VPS13D: variants seen among roughly 807,000 people sequenced by gnomAD.
VPS13D encodes the protein intermembrane lipid transfer protein VPS13D.
VPS13D carries 187 observed loss-of-function variants against 461.9 expected under a neutral mutation model. The ratio of observed to expected loss-of-function variants is 0.40; its 90% CI spans 0.36 to 0.46. The LOEUF is 0.46. Among genes scored for constraint, VPS13D ranks in the 20% least tolerant of loss-of-function variants. The pLI, the probability that VPS13D is intolerant of heterozygous loss-of-function variation, is 0.60. For missense variants in VPS13D, 4,711 were observed against 5,364.9 expected, an observed-to-expected ratio of 0.88 and a Z score of 3.81; for synonymous variants, 1,951 against 1,986.3, an observed-to-expected ratio of 0.98 and a Z score of 0.47.
At chr1:12,240,622 A>G (rs182542906) in intron 2 of VPS13D, among the ~76,000 whole-genome samples, 1,581 of 147,532 alleles carry the variant, frequency 0.011, 12 homozygotes, top group Middle Eastern at 0.021. Context: ...AAAAAAAGGC[A>G]GTTCGAAGCA....
In VPS13D at chr1:12,267,945, T is replaced by A. The variant is rs140817403; in HGVS notation, c.1801+25T>A. The A allele has an allele frequency of 0.017, 26,972 of 1,570,542 alleles. 1,067 individuals are homozygous for A. The highest frequency in any genetic ancestry group is 0.16 in the Admixed American group (8,242 of 52,912). ...GGTAATTTGTCCTATGTTGTTTTTT[T>A]AAAATTTTTAAATTTTTTAAATTAA... On this transcript the variant is annotated intron_variant, in intron 15 of 69. Coordinates refer to ENST00000620676, the MANE Select transcript of VPS13D (RefSeq NM_015378.4).
chr1:12,292,435 C>CTTTTT (rs886615855), intron 23 of VPS13D, among the ~76,000 whole-genome samples: 17 of 96,916 alleles, frequency 1.8e-4, no homozygotes, highest in African/African-American at 2.5e-4. Context: ...TGCTCAGTCT[C>CTTTTT]TTTTTTTTTT....
intron 60 of VPS13D, 41 bp from the exon 61 acceptor site, chr1:12,400,140 T>C (rs763112126): frequency 1.2e-6 from 2 of 1,600,616 alleles, no homozygotes; most frequent in South Asian, 1.1e-5. Flanking sequence ...GAGCCACTGG[T>C]CTGTTTTTGT....
chr1:12,507,215 G>A lies in VPS13D; in HGVS notation c.13035+122G>A. ...GGTTGAGGCTGGGCCCTTCCCAGGAGTGCTGCCTCTCAGTCCTGAACATGG... is the reference window on the plus strand; with the variant it reads ...GGTTGAGGCTGGGCCCTTCCCAGGAATGCTGCCTCTCAGTCCTGAACATGG... On this transcript the variant is annotated intron_variant, in intron 69 of 69. Transcript: ENST00000620676. This position sits in a 1 kb window ranked among gnomAD's most constrained non-coding sequence, Gnocchi z 5.3. The A allele has an allele frequency of 6.4e-7, 1 of 1,552,626 alleles. No homozygotes were observed. The highest frequency in any genetic ancestry group is 8.8e-7 in the Non-Finnish European group (1 of 1,133,060).
At chr1:12,296,690 T>A (rs1642286970) in intron 24 of VPS13D, among the ~76,000 whole-genome samples, 1 of 152,236 alleles carries the variant, frequency 6.6e-6, no homozygotes, top group Non-Finnish European at 1.5e-5. Context: ...ATGTTTACAG[T>A]ATTGATTCCT....
intron 32 of VPS13D, among the ~76,000 whole-genome samples, chr1:12,320,152 A>G (rs932188908): frequency 1.2e-4 from 18 of 152,266 alleles, no homozygotes; most frequent in African/African-American, 4.3e-4. Flanking sequence ...GGCTGAAAGG[A>G]GCGCATGGAT....
intron 63 of VPS13D, among the ~76,000 whole-genome samples, chr1:12,413,503 T>TA (rs977311111): frequency 6.6e-6 from 1 of 152,102 alleles, no homozygotes; most frequent in Non-Finnish European, 1.5e-5. Flanking sequence ...GGCAGGGTCT[T>TA]ACTCTGTCAC....
chr1:12,493,466 G>A (rs991654029), intron 67 of VPS13D, among the ~76,000 whole-genome samples: 1 of 144,240 alleles, frequency 6.9e-6, no homozygotes. Flanking sequence ...CTGGGTGACA[G>A]AGCGAGACTC....
Position 12,279,461 on chromosome 1 carries a change from A to C in VPS13D, c.4451-38A>C. 6.5e-7 allele frequency: 1 copy of C among 1,540,026 alleles called. No homozygotes were observed. Among genetic ancestry groups the C allele is most frequent in the Non-Finnish European group, 8.8e-7 (1 of 1,133,804 alleles). On this transcript the variant is annotated intron_variant, in intron 19 of 69. Coordinates refer to ENST00000620676, the MANE Select transcript of VPS13D (RefSeq NM_015378.4). The surrounding 1 kb of genome is among the most constrained non-coding windows in gnomAD (Gnocchi z 4.3). ...AATCAGCAGTAATGAAGTAAATATT[A>C]AGGTTTATGGTCTATCATTTCATCT...
At chr1:12,361,391 A>ATT (rs1158608905) in intron 50 of VPS13D, among the ~76,000 whole-genome samples, 2 of 140,910 alleles carry the variant, frequency 1.4e-5, no homozygotes, top group African/African-American at 5.7e-5. Flanking sequence ...TTATTTATTT[A>ATT]TTTATTTATT....
intron 68 of VPS13D, chr1:12,500,103 A>G: frequency 3.0e-6 from 3 of 985,436 alleles, no homozygotes; most frequent in Non-Finnish European, 3.6e-6. Flanking sequence ...CGATGGAGTG[A>G]AAACCCCACG....
chr1:12,385,295 A>G lies in VPS13D; in HGVS notation c.11406A>G (p.Ser3802=), dbSNP rs780869361. 4 of 1,613,906 alleles carry G rather than the reference A, an allele frequency of 2.5e-6. No homozygotes were observed. Among genetic ancestry groups the G allele is most frequent in the African/African-American group, 1.3e-5 (1 of 74,930 alleles). The change falls in exon 59 of 70, where the codon TCA becomes TCG. Residue 3802 remains serine, a synonymous_variant. Transcript: ENST00000620676. ...TDFCHRKSSR[S]YEVDELPVTE... is the part of the protein sequence containing the mutation. ...TCTGCCACCGGAAAAGCAGCCGTTCATATGAAGTGGATGAACTTCCTGTCA... is the reference window on the plus strand; with the variant it reads ...TCTGCCACCGGAAAAGCAGCCGTTCGTATGAAGTGGATGAACTTCCTGTCA...
chr1:12,377,939 G>T (rs777342442), intron 55 of VPS13D, among the ~76,000 whole-genome samples: 5 of 151,770 alleles, frequency 3.3e-5, no homozygotes, highest in Non-Finnish European at 5.9e-5. Context: ...AATATAGTAC[G>T]CTTTCCTTAT....
rs1238878783 is a variant in VPS13D, at chr1:12,363,242, C to T, written c.10443C>T (p.Asn3481=). Residue 3481 remains asparagine, a synonymous_variant, in exon 52 of 70, where the codon AAC becomes AAT. Transcript: ENST00000620676. ...EVNKNNSFHI[N]MRDTLGKCFF... ...ACAAGAATAATTCCTTCCATATCAA[C>T]ATGAGGTAAGTTTGAGACTCTAAAT... The T allele has an allele frequency of 1.2e-6, 2 of 1,614,040 alleles. No homozygotes were observed. Among genetic ancestry groups the T allele is most frequent in the Non-Finnish European group, 1.7e-6 (2 of 1,179,960 alleles).
At chr1:12,465,758 A>G (rs1475083298) in intron 67 of VPS13D, among the ~76,000 whole-genome samples, 1 of 152,236 alleles carries the variant, frequency 6.6e-6, no homozygotes, top group Admixed American at 6.5e-5. Flanking sequence ...TTTGCATGTT[A>G]CTTATGACTC....
chr1:12,472,493 T>C (rs1361720498), intron 67 of VPS13D, among the ~76,000 whole-genome samples: 1 of 152,236 alleles, frequency 6.6e-6, no homozygotes, highest in African/African-American at 2.4e-5. Context: ...CTTTCTGAAA[T>C]GCAGTGGAGG....
chr1:12,361,638 G>A (rs1336500597), intron 50 of VPS13D, among the ~76,000 whole-genome samples: 27 of 151,272 alleles, frequency 1.8e-4, no homozygotes, highest in Admixed American at 3.3e-4. Flanking sequence ...CTCGTGATCC[G>A]CCCGCCTCGG....
At chr1:12,377,993 C>T (rs1389895141) in intron 55 of VPS13D, among the ~76,000 whole-genome samples, 1 of 152,092 alleles carries the variant, frequency 6.6e-6, no homozygotes, top group Non-Finnish European at 1.5e-5. Flanking sequence ...AATTCTGATT[C>T]AAAGTCAGAT....
At chr1:12,310,241 A>ACG (rs1642695028) in intron 27 of VPS13D, among the ~76,000 whole-genome samples, 1 of 152,172 alleles carries the variant, frequency 6.6e-6, no homozygotes, top group African/African-American at 2.4e-5. Context: ...CACTGCACAC[A>ACG]CAGCAACCCG....
Sources: gnomAD v4.1 joint callset for allele counts (sites outside exome capture counted in the v4.1 genomes callset) on GRCh38, gnomAD v4.1.1 for gene constraint, Gnocchi (gnomAD v3.1) non-coding constraint, MANE v1.5 for transcripts, NCBI Gene and HGNC (gene_info 2026-07-23, HGNC 2026-07-21) for gene names.